Variants in SLC26A9 observed in about 807,000 individuals in gnomAD.
SLC26A9 encodes anion transporter/exchanger protein 9.
In SLC26A9, 46 loss-of-function variants were observed where a neutral mutation model predicts 87.1. That is an observed-to-expected ratio of 0.53 (90% CI 0.42 to 0.67). The LOEUF is 0.67. SLC26A9 is among the 30% of genes least tolerant of loss of function. The pLI, the probability that SLC26A9 is intolerant of heterozygous loss-of-function variation, is 0.00. For missense variants in SLC26A9, 927 were observed against 1,018.3 expected (o/e 0.91, Z 1.22); for synonymous variants, 437 against 409.1 (o/e 1.07, Z -0.82).
rs868726238 is a variant in SLC26A9, at chr1:205,940,340, T to C, written c.-19+3025A>G. ...ATGAGCTCATGCCAAAGCACGCCCC[T>C]GGTACCTTCTCCCAGTCACATTTCT... On this transcript the variant is annotated intron_variant, in intron 1 of 20. Transcript: ENST00000367135. 2.6e-5 allele frequency among the ~76,000 whole-genome samples: 4 copies of C among 152,188 alleles called. No individual in the cohort carries two copies. The South Asian group carries it at 8.3e-4, about 32-fold the overall frequency.
At chr1:205,940,696 G>A (rs541110555) in intron 1 of SLC26A9, among the ~76,000 whole-genome samples, 180 of 152,312 alleles carry the variant, frequency 1.2e-3, no homozygotes, top group Middle Eastern at 0.01. Context: ...TGTCAGAAGA[G>A]GGTAGAACAT....
rs36081371 is a variant in SLC26A9 at position 205,914,520 on chromosome 1, A to G, written c.*837T>C. The G allele has an allele frequency of 3.2e-3, 715 of 226,256 alleles. 5 individuals carry two copies. Among genetic ancestry groups the G allele is most frequent in the East Asian group, 0.025 (260 of 10,432 alleles). 14.0% of individuals were successfully genotyped at this position (226,256 alleles called of 1,614,324 possible). A position where few individuals can be genotyped will look rare whatever the true frequency, so the allele number is the denominator to read the frequency against. ...TTGTGCAGAATAACTGGTATCTATT[A>G]CTAGGATGCCAGATGATTCTGCCAG... On this transcript the variant is annotated 3_prime_UTR_variant, in exon 21 of 21. Coordinates refer to ENST00000367135, the MANE Select transcript of SLC26A9 (RefSeq NM_052934.4).
chr1:205,929,432 AG>A, intron 6 of SLC26A9, 76 bp from the exon 7 acceptor site: 1 of 1,563,042 alleles, frequency 6.4e-7, no homozygotes, highest in Non-Finnish European at 8.7e-7. Context: ...TGTCTGACCC[AG>A]GGAAGGGATG....
At chr1:205,924,576 T>G in intron 12 of SLC26A9, 87 bp from the exon 13 acceptor site, 2 of 1,123,108 alleles carry the variant, frequency 1.8e-6, no homozygotes, top group Non-Finnish European at 2.6e-6. Flanking sequence ...GGCCATTCTC[T>G]GTTAGTACAA....
At chr1:205,921,937 G>A in intron 16 of SLC26A9, 90 bp from the exon 17 acceptor site, 3 of 1,461,884 alleles carry the variant, frequency 2.1e-6, no homozygotes, top group Non-Finnish European at 2.7e-6. Context: ...GAGGGTGTAG[G>A]TGTAGGGGAA....
At chr1:205,927,808 C>T in intron 9 of SLC26A9, 94 bp downstream of exon 9, 6 of 1,551,372 alleles carry the variant, frequency 3.9e-6, no homozygotes, top group Non-Finnish European at 5.2e-6. Context: ...CAGCCTGCCT[C>T]ACCTCAGCCC....
In SLC26A9 at chr1:205,923,063, G is replaced by A. The variant is rs745432474; in HGVS notation, c.1773+19C>T. 5 of 1,609,910 alleles carry A rather than the reference G, an allele frequency of 3.1e-6. No individual in the cohort carries two copies. The highest frequency in any genetic ancestry group is 4.3e-6 in the Non-Finnish European group (5 of 1,176,184). ...GGGCAGGAGAGCAGGGCACGGGGCT[G>A]CTTCTGGCCTTCATTCACCTTGGTT... On this transcript the variant is annotated intron_variant, in intron 16 of 20. Coordinates refer to ENST00000367135, the MANE Select transcript of SLC26A9 (RefSeq NM_052934.4).
rs931397475 is a variant in SLC26A9 at position 205,914,157 on chromosome 1, G to C, written c.*1200C>G. On this transcript the variant is annotated 3_prime_UTR_variant, in exon 21 of 21. Transcript: ENST00000367135. ...GGCCTGAGGTCCTAAGGGTGTTAAA[G>C]AGTCTTCCTGTGCAGGAAGACCCAA... 1 of 152,180 alleles carries C rather than the reference G, an allele frequency of 6.6e-6. No individual in the cohort carries two copies. Among genetic ancestry groups the C allele is most frequent in the African/African-American group, 2.4e-5 (1 of 41,422 alleles). The allele number at this position is 152,180 out of a possible 1,614,324, so 9.4% of individuals were successfully genotyped here.
At chr1:205,934,183 G>A (rs1247071708) in intron 2 of SLC26A9, among the ~76,000 whole-genome samples, 2 of 152,176 alleles carry the variant, frequency 1.3e-5, no homozygotes, top group Non-Finnish European at 2.9e-5. Flanking sequence ...GAAAGTCTGG[G>A]CAGATTTTCT....
intron 1 of SLC26A9, among the ~76,000 whole-genome samples, chr1:205,941,259 C>G (rs1171507961): frequency 6.6e-6 from 1 of 152,156 alleles, no homozygotes; most frequent in Non-Finnish European, 1.5e-5. Context: ...GGGTGCACTT[C>G]CTGGGTTCAA....
At position 205,927,244 on chromosome 1, in the gene SLC26A9, C is replaced by G. The variant is rs997394365; in HGVS notation, c.1260G>C (p.Leu420=). ...GAGGATACAGATAGATCCCCAGGAC[C>G]AGCATGGTGATCATCACCACCAGAG... ...CVSLVVMITM[L]VLGIYLYPLP... The change falls in exon 11 of 21, where the codon CTG becomes CTC. Residue 420 remains leucine (L), a synonymous_variant. Coordinates refer to ENST00000367135, the MANE Select transcript of SLC26A9 (RefSeq NM_052934.4). 3.7e-6 allele frequency: 6 copies of G among 1,614,122 alleles called. No individual in the cohort carries two copies. Among genetic ancestry groups the G allele is most frequent in the Non-Finnish European group, 5.1e-6 (6 of 1,180,034 alleles).
intron 16 of SLC26A9, among the ~76,000 whole-genome samples, chr1:205,922,124 C>T (rs955866257): frequency 1.3e-5 from 2 of 152,128 alleles, no homozygotes; most frequent in African/African-American, 4.8e-5. Flanking sequence ...GGAGAAAGCC[C>T]CTCCGGGGAC....
intron 3 of SLC26A9, 51 bp downstream of exon 3, chr1:205,932,894 G>A (rs575863347): frequency 2.5e-6 from 4 of 1,610,344 alleles, no homozygotes; most frequent in Non-Finnish European, 3.4e-6. Context: ...GATGAGGAGA[G>A]GAATGGTGAG....
chr1:205,934,365 A>G (rs945372674), intron 2 of SLC26A9, among the ~76,000 whole-genome samples: 1 of 152,186 alleles, frequency 6.6e-6, no homozygotes, highest in African/African-American at 2.4e-5. Context: ...CCAGCCCTGC[A>G]GGGGCTCCAT....
At chr1:205,941,074 G>C (rs1192697905) in intron 1 of SLC26A9, among the ~76,000 whole-genome samples, 1 of 152,218 alleles carries the variant, frequency 6.6e-6, no homozygotes, top group Non-Finnish European at 1.5e-5. Flanking sequence ...AGACAAGCTG[G>C]CTGGGGTCTC....
intron 4 of SLC26A9, among the ~76,000 whole-genome samples, chr1:205,932,459 A>T (rs1218694218): frequency 6.6e-6 from 1 of 152,170 alleles, no homozygotes; most frequent in Non-Finnish European, 1.5e-5. Context: ...TGTTCTGCTA[A>T]GTCTTCCTCT....
chr1:205,934,341 GC>G (rs1307676255), intron 2 of SLC26A9, among the ~76,000 whole-genome samples: 4 of 152,352 alleles, frequency 2.6e-5, no homozygotes, highest in Admixed American at 6.5e-5. Flanking sequence ...CTAAAGCCTT[GC>G]TTGAAGAGAG....
At chr1:205,921,918 AG>A (rs1465251586) in intron 16 of SLC26A9, 71 bp from the exon 17 acceptor site, 9 of 1,517,422 alleles carry the variant, frequency 5.9e-6, no homozygotes, top group Non-Finnish European at 8.0e-6. Context: ...TGACTGAAGC[AG>A]GGGCATGGAG....
intron 12 of SLC26A9, 25 bp downstream of exon 12, chr1:205,926,510 T>C: frequency 1.3e-6 from 2 of 1,599,450 alleles, no homozygotes; most frequent in South Asian, 1.1e-5. Context: ...GCATGGCCAG[T>C]ACCCAGAGGC....
Sources: allele counts gnomAD v4.1 joint callset (sites outside exome capture counted in the v4.1 genomes callset), GRCh38; gene constraint gnomAD v4.1.1; transcripts MANE v1.5; gene names NCBI Gene and HGNC (gene_info 2026-07-23, HGNC 2026-07-21).